Variants in SFMBT2 observed in about 807,000 individuals in gnomAD.
SFMBT2 encodes the protein scm-like with four MBT domains protein 2.
SFMBT2 carries 38 observed loss-of-function variants against 110.1 expected under a neutral mutation model. The ratio of observed to expected loss-of-function variants is 0.35; its 90% confidence interval spans 0.27 to 0.45. The LOEUF (loss-of-function observed/expected upper bound fraction) is 0.45. Among genes scored for constraint, SFMBT2 ranks in the 20% least tolerant of loss-of-function variants. SFMBT2 has a pLI of 1.00. For synonymous variants in SFMBT2, 425 were observed against 425.4 expected (o/e 1.00, Z 0.01); for missense variants, 1,011 against 1,094.9 (o/e 0.92, Z 1.08).
At chr10:7,274,546 A>T (rs1174321861) in intron 7 of SFMBT2, among the ~76,000 whole-genome samples, 1 of 152,150 alleles carries the variant, frequency 6.6e-6, no homozygotes, top group Non-Finnish European at 1.5e-5. Flanking sequence ...TCCTGCTGCC[A>T]TGTGAAAAAG....
intron 16 of SFMBT2, among the ~76,000 whole-genome samples, chr10:7,181,188 G>A (rs1054936191): frequency 2.0e-5 from 3 of 149,510 alleles, no homozygotes; most frequent in East Asian, 2.0e-4. Context: ...GCAGTTAGCC[G>A]AGATTGTGCC....
At chr10:7,397,060 TA>T (rs1564474798) in intron 1 of SFMBT2, among the ~76,000 whole-genome samples, 2 of 152,036 alleles carry the variant, frequency 1.3e-5, no homozygotes, top group South Asian at 2.1e-4. Flanking sequence ...ATAATAAAAA[TA>T]AAAAATAAAA....
chr10:7,401,562 G>C (rs2132124501), intron 1 of SFMBT2, among the ~76,000 whole-genome samples: 2 of 152,312 alleles, frequency 1.3e-5, no homozygotes, highest in East Asian at 3.9e-4. Context: ...AAAAGAAGGA[G>C]GCTGCCCAGA....
At chr10:7,361,424 A>C (rs1298133808) in intron 4 of SFMBT2, among the ~76,000 whole-genome samples, 4 of 152,308 alleles carry the variant, frequency 2.6e-5, no homozygotes, top group African/African-American at 9.6e-5. Flanking sequence ...CCCATGTGCC[A>C]CCTGCCAGCA....
At chr10:7,329,985 G>A (rs1843516759) in intron 4 of SFMBT2, among the ~76,000 whole-genome samples, 1 of 152,142 alleles carries the variant, frequency 6.6e-6, no homozygotes, top group Non-Finnish European at 1.5e-5. Context: ...TTAATACCAT[G>A]GTTACAGGCC....
chr10:7,165,119 G>C (rs917404240), intron 20 of SFMBT2, among the ~76,000 whole-genome samples: 1 of 152,092 alleles, frequency 6.6e-6, no homozygotes, highest in African/African-American at 2.4e-5. Context: ...CGTCCAGAGG[G>C]AGTCACTGAG....
chr10:7,377,130 T>C (rs1426005592), intron 2 of SFMBT2, among the ~76,000 whole-genome samples: 13 of 129,390 alleles, frequency 1.0e-4, no homozygotes, highest in African/African-American at 3.5e-4. Context: ...GATCGCACCA[T>C]TGCACTCCAG....
At chr10:7,356,055 T>C (rs1422855674) in intron 4 of SFMBT2, among the ~76,000 whole-genome samples, 2 of 152,234 alleles carry the variant, frequency 1.3e-5, no homozygotes, top group African/African-American at 4.8e-5. Flanking sequence ...CAGGTCTTTT[T>C]TCCCAAGGGC....
chr10:7,355,620 G>A (rs1844480844), intron 4 of SFMBT2, among the ~76,000 whole-genome samples: 1 of 152,158 alleles, frequency 6.6e-6, no homozygotes, highest in Admixed American at 6.5e-5. Context: ...AGACCAGCCT[G>A]GCTAAGATAG....
At chr10:7,340,655 C>CAAAAAAAAAAAAAAAAAAAAA (rs776262305) in intron 4 of SFMBT2, among the ~76,000 whole-genome samples, 1 of 86,784 alleles carries the variant, frequency 1.2e-5, no homozygotes. Flanking sequence ...GAACCTATCT[C>CAAAAAAAAAAAAAAAAAAAAA]AAAAAAAAAA....
chr10:7,373,647 C>T (rs561301188), intron 2 of SFMBT2, among the ~76,000 whole-genome samples: 1 of 152,134 alleles, frequency 6.6e-6, no homozygotes, highest in Non-Finnish European at 1.5e-5. Context: ...TGCCACCACC[C>T]GTGTCTCCTG....
intron 12 of SFMBT2, chr10:7,203,635 A>G: frequency 1.0e-6 from 1 of 958,826 alleles, no homozygotes; most frequent in Non-Finnish European, 1.2e-6. Context: ...GACAGAGGGG[A>G]TTGGAACCCC....
At chr10:7,197,017 C>T (rs1010572979) in intron 15 of SFMBT2, among the ~76,000 whole-genome samples, 2 of 152,164 alleles carry the variant, frequency 1.3e-5, no homozygotes, top group South Asian at 2.1e-4. Flanking sequence ...ACACAAACCT[C>T]GTCAAAGTAC....
intron 4 of SFMBT2, among the ~76,000 whole-genome samples, chr10:7,351,686 CA>C (rs768090423): frequency 2.0e-5 from 3 of 152,080 alleles, no homozygotes; most frequent in Admixed American, 6.5e-5. Flanking sequence ...TCTGAGCTCA[CA>C]GGGGGTAAAA....
chr10:7,172,495 C>T lies in SFMBT2; in HGVS notation c.2151G>A (p.Glu717=), dbSNP rs779304994. The T allele has an allele frequency of 1.2e-6, 2 of 1,613,774 alleles. No individual in the cohort carries two copies. The highest frequency in any genetic ancestry group is 2.2e-5 in the South Asian group (2 of 91,064). ...SAVDFTAGSG[E]ESEEEDADAM... is the part of the protein sequence containing the mutation. ...GGCAGGTGCCCCGGGCAGAACATAC[C>T]TCCCCCGAGCCCGCGGTGAAGTCCA... Residue 717 remains glutamate, a splice_region_variant and synonymous_variant, in exon 18 of 21, where the codon GAG becomes GAA. Transcript: ENST00000397167. The surrounding 1 kb of genome is among the most constrained non-coding windows in gnomAD (Gnocchi z 4.6).
chr10:7,326,538 G>T (rs1396169898), intron 4 of SFMBT2, among the ~76,000 whole-genome samples: 1 of 152,190 alleles, frequency 6.6e-6, no homozygotes, highest in Non-Finnish European at 1.5e-5. Context: ...AGCTTAGACA[G>T]CTACTGTTCC....
intron 4 of SFMBT2, among the ~76,000 whole-genome samples, chr10:7,289,424 C>T (rs1000300418): frequency 2.0e-5 from 3 of 152,136 alleles, no homozygotes; most frequent in African/African-American, 7.2e-5. Flanking sequence ...GAAATTTAAA[C>T]GGTCAAAGTC....
At chr10:7,167,674 A>C (rs1837732538) in intron 20 of SFMBT2, among the ~76,000 whole-genome samples, 2 of 152,218 alleles carry the variant, frequency 1.3e-5, no homozygotes, top group Admixed American at 6.5e-5. Flanking sequence ...TTAGTAATTA[A>C]AGGTCTGATG....
rs1447295505 is a variant in SFMBT2, at chr10:7,175,932, T to TA, written c.1984+57dup. The TA allele has an allele frequency of 2.0e-6, 3 of 1,492,142 alleles. No homozygotes were observed. The East Asian group carries it at 6.9e-5, about 34-fold the overall frequency. 92.4% of individuals were successfully genotyped at this position (1,492,142 alleles called of 1,614,324 possible). A position where few individuals can be genotyped will look rare whatever the true frequency, so the allele number is the denominator to read the frequency against. On this transcript the variant is annotated intron_variant, in intron 17 of 20. Coordinates refer to ENST00000397167, the MANE Select transcript of SFMBT2 (RefSeq NM_001387889.1). ...CAAATGAAACAAAAACCAAATACCT[T>TA]AGAGTGCAGTTTAGGTCTCTGGGCT...
Sources: gnomAD v4.1 joint callset for allele counts (sites outside exome capture counted in the v4.1 genomes callset) on GRCh38, gnomAD v4.1.1 for gene constraint, Gnocchi (gnomAD v3.1) non-coding constraint, MANE v1.5 for transcripts, NCBI Gene and HGNC (gene_info 2026-07-23, HGNC 2026-07-21) for gene names.